MSI2: variants seen among roughly 807,000 people sequenced by gnomAD.
The protein encoded by MSI2 is RNA-binding protein Musashi homolog 2.
In MSI2, 17 loss-of-function variants were observed where a neutral mutation model predicts 45.6. The observed-to-expected ratio is 0.37, with a 90% CI of 0.26 to 0.56. MSI2 has a LOEUF of 0.56. Ranked by LOEUF, MSI2 falls within the 20% of genes least tolerant of loss-of-function variation. The probability of loss-of-function intolerance (pLI) is 0.77; values close to 1 mark genes in which losing one functional copy is unlikely to be tolerated. For missense variants in MSI2, 293 were observed against 444.2 expected (o/e 0.66, Z 3.06); for synonymous variants, 156 against 158.2 (o/e 0.99, Z 0.11).
At chr17:57,550,231 C>T (rs950965948) in intron 7 of MSI2, among the ~76,000 whole-genome samples, 8 of 152,144 alleles carry the variant, frequency 5.3e-5, no homozygotes, top group Admixed American at 2.0e-4. Context: ...TTGGTGGCTC[C>T]GGCTGGCAGC....
In MSI2 at chr17:57,322,170, G is replaced by A. The variant is rs143009149; in HGVS notation, c.312+59978G>A. Among the ~76,000 whole-genome samples the A allele has an allele frequency of 5.3e-5, 8 of 152,298 alleles. No homozygotes were observed. The East Asian group carries it at 1.5e-3, about 29-fold the overall frequency. ...TGTTTATAGCTGTCCCCACAGTACT[G>A]AGACCAGAGCTCAGGAGAATGTGGT... On this transcript the variant is annotated intron_variant, in intron 5 of 13. Coordinates refer to ENST00000284073, the MANE Select transcript of MSI2 (RefSeq NM_138962.4).
At chr17:57,286,720 C>G (rs1046886996) in intron 5 of MSI2, among the ~76,000 whole-genome samples, 9 of 151,986 alleles carry the variant, frequency 5.9e-5, no homozygotes, top group Middle Eastern at 3.2e-3. Flanking sequence ...CTGTGAGCCT[C>G]GACTTAATTT....
intron 7 of MSI2, among the ~76,000 whole-genome samples, chr17:57,534,646 C>T (rs1021826558): frequency 1.3e-5 from 2 of 152,142 alleles, no homozygotes; most frequent in Admixed American, 6.5e-5. Flanking sequence ...ACCCAGGAGG[C>T]GGAGGTTGCA....
At chr17:57,586,091 C>T (rs2088338808) in intron 7 of MSI2, among the ~76,000 whole-genome samples, 2 of 152,208 alleles carry the variant, frequency 1.3e-5, no homozygotes, top group Admixed American at 6.5e-5. Context: ...GATGGAACAC[C>T]ACGCACAAAA....
At chr17:57,646,032 G>A (rs970225413) in intron 10 of MSI2, among the ~76,000 whole-genome samples, 3 of 152,154 alleles carry the variant, frequency 2.0e-5, no homozygotes, top group Non-Finnish European at 2.9e-5. Flanking sequence ...TTCAGCTGCA[G>A]TTTACCCAGA....
At chr17:57,433,466 C>T (rs1326172227) in intron 6 of MSI2, among the ~76,000 whole-genome samples, 2 of 152,030 alleles carry the variant, frequency 1.3e-5, no homozygotes, top group African/African-American at 4.8e-5. Context: ...GCTAGGAGCC[C>T]CCAGAAGGCA....
At chr17:57,658,926 G>A (rs558063061) in intron 11 of MSI2, among the ~76,000 whole-genome samples, 11 of 152,326 alleles carry the variant, frequency 7.2e-5, no homozygotes, top group South Asian at 4.1e-4. Context: ...CCTGGGCTGG[G>A]TGGGGGCACT....
chr17:57,441,054 C>T (rs2084791175), intron 6 of MSI2, among the ~76,000 whole-genome samples: 1 of 152,128 alleles, frequency 6.6e-6, no homozygotes, highest in African/African-American at 2.4e-5. Context: ...GTGCTGGAGA[C>T]GGATGTTTTC....
At chr17:57,262,123 A>G (rs746201359) in intron 4 of MSI2, 28 bp from the exon 5 acceptor site, 5 of 1,612,766 alleles carry the variant, frequency 3.1e-6, no homozygotes, top group African/African-American at 2.7e-5. Context: ...TACTTTATTG[A>G]CTCCTGCTTT....
chr17:57,498,391 G>A (rs531535053), intron 6 of MSI2, among the ~76,000 whole-genome samples: 12 of 152,214 alleles, frequency 7.9e-5, no homozygotes, highest in East Asian at 1.9e-4. Context: ...GGCCGCTGAC[G>A]GCCTTACCAT....
At chr17:57,434,410 A>G (rs1391788580) in intron 6 of MSI2, among the ~76,000 whole-genome samples, 1 of 152,166 alleles carries the variant, frequency 6.6e-6, no homozygotes, top group African/African-American at 2.4e-5. Context: ...CATTTTAACA[A>G]TTTTGAAATA....
chr17:57,555,469 T>C (rs1471058595), intron 7 of MSI2, among the ~76,000 whole-genome samples: 1 of 152,162 alleles, frequency 6.6e-6, no homozygotes, highest in African/African-American at 2.4e-5. Context: ...GGTTCCCTGC[T>C]CAGCGCAGCA....
chr17:57,264,720 C>A (rs538004192), intron 5 of MSI2: 1 of 152,322 alleles, frequency 6.6e-6, no homozygotes, highest in Non-Finnish European at 1.5e-5. Context: ...AGATGGATGT[C>A]CAGGAGCCAT....
At chr17:57,313,171 A>G (rs1912549552) in intron 5 of MSI2, among the ~76,000 whole-genome samples, 1 of 152,126 alleles carries the variant, frequency 6.6e-6, no homozygotes, top group Non-Finnish European at 1.5e-5. Flanking sequence ...TGTCTCATAC[A>G]GACTTTCTCT....
intron 5 of MSI2, among the ~76,000 whole-genome samples, chr17:57,262,785 T>G (rs1343368492): frequency 6.6e-6 from 1 of 152,224 alleles, no homozygotes; most frequent in Non-Finnish European, 1.5e-5. Context: ...GTTGTAACCT[T>G]GTAGGAGTGG....
intron 6 of MSI2, among the ~76,000 whole-genome samples, chr17:57,491,143 G>T (rs181223242): frequency 1.3e-5 from 2 of 152,350 alleles, no homozygotes; most frequent in East Asian, 3.9e-4. Flanking sequence ...TCTGCCAAGC[G>T]CTCGCATTGG....
chr17:57,458,094 T>C (rs1023999160), intron 6 of MSI2, among the ~76,000 whole-genome samples: 1 of 150,838 alleles, frequency 6.6e-6, no homozygotes, highest in Non-Finnish European at 1.5e-5. Context: ...CTGACATATA[T>C]ATACCTTTTT....
rs80052474 is a variant in MSI2, at chr17:57,605,067, T to G, written c.537+8117T>G. Among the ~76,000 whole-genome samples the G allele has an allele frequency of 6.7e-3, 1,025 of 152,340 alleles. 8 individuals are homozygous for G. Among genetic ancestry groups the G allele is most frequent in the African/African-American group, 0.022 (907 of 41,580 alleles). On this transcript the variant is annotated intron_variant, in intron 8 of 13. Transcript: ENST00000284073. ...GTAAGCTAATTTTAGCCATCCATTC[T>G]GCTTCTGTTGCCATTTATAAAATGA...
At chr17:57,376,375 G>C (rs56170762) in intron 5 of MSI2, among the ~76,000 whole-genome samples, 5,945 of 152,266 alleles carry the variant, frequency 0.039, 140 homozygotes, top group Non-Finnish European at 0.046. Flanking sequence ...TCCCGGTCTG[G>C]ATCCAATTTA....
Sources: allele counts gnomAD v4.1 joint callset (sites outside exome capture counted in the v4.1 genomes callset), GRCh38; gene constraint gnomAD v4.1.1; transcripts MANE v1.5; gene names NCBI Gene and HGNC (gene_info 2026-07-23, HGNC 2026-07-21).